Variants in ARL15 observed in about 807,000 individuals in gnomAD.
ARL15 encodes the protein ARF like GTPase 15.
Under a neutral mutation model 25.2 loss-of-function variants are expected in ARL15, and 19 were observed. The ratio of observed to expected loss-of-function variants is 0.75; its 90% CI spans 0.53 to 1.10. The LOEUF (loss-of-function observed/expected upper bound fraction) is 1.10, where lower values mean the gene tolerates loss of function less well. Ranked by LOEUF, ARL15 falls within the 50% of genes least tolerant of loss-of-function variation. The pLI, the probability that ARL15 is intolerant of heterozygous loss-of-function variation, is 0.00. For missense variants in ARL15, 220 were observed against 246.0 expected (o/e 0.89, Z 0.71); for synonymous variants, 94 against 86.8 (o/e 1.08, Z -0.46).
At chr5:53,946,866 C>G (rs1746752615) in intron 4 of ARL15, among the ~76,000 whole-genome samples, 1 of 152,104 alleles carries the variant, frequency 6.6e-6, no homozygotes, top group Admixed American at 6.5e-5. Flanking sequence ...GCTTTTTATG[C>G]CTGGGAGGAA....
At chr5:54,092,185 G>A (rs1480812780) in intron 4 of ARL15, among the ~76,000 whole-genome samples, 1 of 152,142 alleles carries the variant, frequency 6.6e-6, no homozygotes, top group Non-Finnish European at 1.5e-5. Flanking sequence ...TCTGTGCTAT[G>A]TATTTATTCC....
At chr5:54,125,089 T>TG (rs1252020277) in intron 3 of ARL15, among the ~76,000 whole-genome samples, 3 of 147,958 alleles carry the variant, frequency 2.0e-5, no homozygotes, top group Non-Finnish European at 4.5e-5. Context: ...TGTTTTGTTT[T>TG]TTTTTTTTTT....
chr5:53,955,638 T>G (rs1271040649), intron 4 of ARL15, among the ~76,000 whole-genome samples: 1 of 152,156 alleles, frequency 6.6e-6, no homozygotes, highest in Non-Finnish European at 1.5e-5. Flanking sequence ...TTACAGCAAC[T>G]AAGCAATGCC....
At chr5:54,181,557 CACAA>C (rs1425701239) in intron 1 of ARL15, among the ~76,000 whole-genome samples, 1 of 152,128 alleles carries the variant, frequency 6.6e-6, no homozygotes, top group African/African-American at 2.4e-5. Flanking sequence ...CATAAAAATA[CACAA>C]ACACTTTTAA....
chr5:53,967,374 C>A (rs1747599473), intron 4 of ARL15, among the ~76,000 whole-genome samples: 1 of 151,936 alleles, frequency 6.6e-6, no homozygotes. Flanking sequence ...TAAGATCAAG[C>A]CAAATGGGAG....
intron 1 of ARL15, among the ~76,000 whole-genome samples, chr5:54,309,476 C>T (rs1171229931): frequency 3.3e-5 from 5 of 152,190 alleles, no homozygotes; most frequent in Admixed American, 6.6e-5. Flanking sequence ...AGTCGAAAAC[C>T]GAGTGCATGT....
intron 1 of ARL15, among the ~76,000 whole-genome samples, chr5:54,190,851 G>C (rs531197202): frequency 1.3e-5 from 2 of 152,302 alleles, no homozygotes; most frequent in South Asian, 4.1e-4. Context: ...CTTGTACACT[G>C]TTGGGAAGAA....
At chr5:54,053,339 G>C (rs1750757578) in intron 4 of ARL15, among the ~76,000 whole-genome samples, 1 of 151,976 alleles carries the variant, frequency 6.6e-6, no homozygotes, top group Non-Finnish European at 1.5e-5. Context: ...AAATAAATGG[G>C]GTAGAAGAGA....
intron 4 of ARL15, among the ~76,000 whole-genome samples, chr5:54,086,705 T>C (rs1290084252): frequency 3.3e-5 from 5 of 152,138 alleles, no homozygotes; most frequent in African/African-American, 1.2e-4. Context: ...TGGTCCGCTA[T>C]ACTAGAAGCA....
At chr5:54,236,608 A>G (rs2112566283) in intron 1 of ARL15, among the ~76,000 whole-genome samples, 1 of 152,350 alleles carries the variant, frequency 6.6e-6, no homozygotes, top group Admixed American at 6.5e-5. Flanking sequence ...GATGGAGCAG[A>G]CTGGCCAAAA....
chr5:53,935,978 A>T (rs1746337252), intron 4 of ARL15, among the ~76,000 whole-genome samples: 1 of 152,038 alleles, frequency 6.6e-6, no homozygotes, highest in Non-Finnish European at 1.5e-5. Context: ...CGAACTCCCA[A>T]CCTCAGGTGA....
intron 4 of ARL15, among the ~76,000 whole-genome samples, chr5:53,901,570 GGCTT>G (rs1386012138): frequency 1.3e-5 from 2 of 150,042 alleles, no homozygotes; most frequent in Non-Finnish European, 2.9e-5. Context: ...TTGTTTAAAT[GGCTT>G]GCTTAACTAG....
intron 4 of ARL15, among the ~76,000 whole-genome samples, chr5:53,975,310 G>A (rs2112196111): frequency 6.6e-6 from 1 of 152,320 alleles, no homozygotes; most frequent in African/African-American, 2.4e-5. Context: ...GTCACAGCAA[G>A]CTGGGACTTG....
At chr5:54,072,362 T>C (rs1689231639) in intron 4 of ARL15, among the ~76,000 whole-genome samples, 2 of 152,144 alleles carry the variant, frequency 1.3e-5, no homozygotes, top group Non-Finnish European at 2.9e-5. Context: ...TAATTGCAGC[T>C]GTGGATAAAC....
chr5:54,046,165 A>G (rs1448983680), intron 4 of ARL15, among the ~76,000 whole-genome samples: 1 of 152,232 alleles, frequency 6.6e-6, no homozygotes, highest in Non-Finnish European at 1.5e-5. Context: ...GTTCTTGACC[A>G]TAAGGAACAT....
At chr5:54,057,988 C>CTTTATTTA (rs58782533) in intron 4 of ARL15, among the ~76,000 whole-genome samples, 42 of 32,754 alleles carry the variant, frequency 1.3e-3, no homozygotes, top group Non-Finnish European at 1.8e-3. Flanking sequence ...TTACTGGTGC[C>CTTTATTTA]TTTATTTATT....
intron 1 of ARL15, among the ~76,000 whole-genome samples, chr5:54,197,420 T>A (rs1324475713): frequency 6.6e-6 from 1 of 152,100 alleles, no homozygotes; most frequent in Admixed American, 6.6e-5. Flanking sequence ...TCACACTAGC[T>A]TGGAAGATAA....
intron 1 of ARL15, among the ~76,000 whole-genome samples, chr5:54,259,903 C>T (rs928046037): frequency 6.6e-6 from 1 of 152,100 alleles, no homozygotes; most frequent in East Asian, 1.9e-4. Context: ...AGGATGCCTA[C>T]CCAAAACACT....
intron 1 of ARL15, among the ~76,000 whole-genome samples, chr5:54,298,764 C>A (rs1005158101): frequency 1.3e-5 from 2 of 152,038 alleles, no homozygotes; most frequent in Non-Finnish European, 2.9e-5. Context: ...CAACATTTAA[C>A]AAAATTGGCC....
Sources: gnomAD v4.1 joint callset for allele counts (sites outside exome capture counted in the v4.1 genomes callset) on GRCh38, gnomAD v4.1.1 for gene constraint, MANE v1.5 for transcripts, NCBI Gene and HGNC (gene_info 2026-07-23, HGNC 2026-07-21) for gene names.